DLG2: variants seen among roughly 807,000 people sequenced by gnomAD.
DLG2 encodes the protein disks large homolog 2.
Under a neutral mutation model 132.5 loss-of-function variants are expected in DLG2, and 45 were observed. The observed-to-expected ratio is 0.34, with a 90% CI of 0.27 to 0.44. The LOEUF (loss-of-function observed/expected upper bound fraction) is 0.44. Among genes scored for constraint, DLG2 ranks in the 20% least tolerant of loss-of-function variants. The pLI, the probability that DLG2 is intolerant of heterozygous loss-of-function variation, is 1.00. For missense variants in DLG2, 1,045 were observed against 1,196.9 expected (o/e 0.87, Z 1.87); for synonymous variants, 424 against 419.6 (o/e 1.01, Z -0.13).
intron 18 of DLG2, among the ~76,000 whole-genome samples, chr11:83,679,118 G>A (rs1005636043): frequency 2.0e-5 from 3 of 152,052 alleles, no homozygotes; most frequent in Non-Finnish European, 2.9e-5. Flanking sequence ...TCAGACAGGC[G>A]TGGGTTTAAA....
chr11:83,822,011 A>G (rs1271174186), intron 17 of DLG2, among the ~76,000 whole-genome samples: 2 of 152,196 alleles, frequency 1.3e-5, no homozygotes, highest in African/African-American at 2.4e-5. Flanking sequence ...TATTAAGTGG[A>G]GGAGTAACAT....
chr11:84,468,238 A>C (rs2099099672), intron 7 of DLG2, among the ~76,000 whole-genome samples: 1 of 151,514 alleles, frequency 6.6e-6, no homozygotes, highest in African/African-American at 2.4e-5. Flanking sequence ...TTGAGTGGAT[A>C]ACTTTGGGTT....
chr11:84,565,311 C>T (rs909006855), intron 6 of DLG2, among the ~76,000 whole-genome samples: 1 of 152,044 alleles, frequency 6.6e-6, no homozygotes, highest in African/African-American at 2.4e-5. Flanking sequence ...GGCATCATGA[C>T]TATAGGGATT....
At chr11:83,471,795 A>G in intron 23 of DLG2, 68 bp from the exon 24 acceptor site, 1 of 1,295,322 alleles carries the variant, frequency 7.7e-7, no homozygotes, top group South Asian at 1.2e-5. Context: ...ACTGTCCTGC[A>G]AGGGTGATTC....
chr11:84,232,770 A>G (rs761879433), intron 8 of DLG2, among the ~76,000 whole-genome samples: 18 of 152,206 alleles, frequency 1.2e-4, no homozygotes, highest in Non-Finnish European at 1.9e-4. Flanking sequence ...TATGTTATTT[A>G]AGCCACCCAG....
intron 6 of DLG2, among the ~76,000 whole-genome samples, chr11:84,669,555 T>A (rs2153690082): frequency 6.6e-6 from 1 of 152,296 alleles, no homozygotes; most frequent in Non-Finnish European, 1.5e-5. Flanking sequence ...AGTGTTAGCA[T>A]CTATGGTGTA....
At chr11:84,529,060 C>CT (rs534165726) in intron 7 of DLG2, among the ~76,000 whole-genome samples, 10 of 151,768 alleles carry the variant, frequency 6.6e-5, no homozygotes, top group African/African-American at 1.2e-4. Context: ...TTAAAACGGA[C>CT]TTTTTTTTTC....
intron 15 of DLG2, among the ~76,000 whole-genome samples, chr11:83,890,696 T>TA (rs1184800862): frequency 1.3e-5 from 2 of 152,128 alleles, no homozygotes; most frequent in South Asian, 4.1e-4. Context: ...GCAGTGTATG[T>TA]AAAAAAAGTT....
intron 19 of DLG2, among the ~76,000 whole-genome samples, chr11:83,597,201 A>G (rs1025049071): frequency 6.6e-6 from 1 of 152,236 alleles, no homozygotes; most frequent in Admixed American, 6.5e-5. Flanking sequence ...AGCATGATCA[A>G]CATGTCTCAT....
chr11:85,247,628 T>G (rs1252727570), intron 4 of DLG2, among the ~76,000 whole-genome samples: 1 of 151,968 alleles, frequency 6.6e-6, no homozygotes, highest in Non-Finnish European at 1.5e-5. Context: ...TTCCAAATTT[T>G]CCAGGGGAAT....
rs182079306 is a variant in DLG2, at chr11:85,020,055, A to C, written c.357+91606T>G. On this transcript the variant is annotated intron_variant, in intron 6 of 27. Coordinates refer to ENST00000376104, the MANE Select transcript of DLG2 (RefSeq NM_001142699.3). ...GGGGAATCGCCACGCTGTCTTCCAC[A>C]ATGTTTGAACTAGTTTACAGCCCCA... Among the ~76,000 whole-genome samples the C allele has an allele frequency of 9.5e-3, 1,448 of 152,290 alleles. 24 individuals carry two copies. Among genetic ancestry groups the C allele is most frequent in the African/African-American group, 0.03 (1,236 of 41,546 alleles).
intron 7 of DLG2, among the ~76,000 whole-genome samples, chr11:84,267,270 T>A (rs1327803957): frequency 6.6e-6 from 1 of 152,190 alleles, no homozygotes; most frequent in Non-Finnish European, 1.5e-5. Flanking sequence ...CCTACTCTTA[T>A]TTTTCCTCAG....
intron 4 of DLG2, among the ~76,000 whole-genome samples, chr11:85,270,856 A>C (rs970205901): frequency 5.3e-5 from 8 of 152,208 alleles, no homozygotes; most frequent in Admixed American, 6.5e-5. Context: ...AGCATTCAAG[A>C]GGTGACTTGG....
chr11:85,172,645 G>T (rs1322114516), intron 4 of DLG2, among the ~76,000 whole-genome samples: 1 of 152,228 alleles, frequency 6.6e-6, no homozygotes, highest in African/African-American at 2.4e-5. Context: ...GTAGGCTTCA[G>T]AGAGTGGTTA....
At chr11:84,505,231 A>G (rs1392469969) in intron 7 of DLG2, among the ~76,000 whole-genome samples, 1 of 152,194 alleles carries the variant, frequency 6.6e-6, no homozygotes, top group Non-Finnish European at 1.5e-5. Flanking sequence ...GGTATAAGGT[A>G]TCATAATATA....
rs189429281 is a variant in DLG2, at chr11:83,911,976, G to C, written c.1496+18352C>G. Among the ~76,000 whole-genome samples, 324 of 151,066 alleles carry C rather than the reference G, an allele frequency of 2.1e-3. 2 individuals are homozygous for C. The highest frequency in any genetic ancestry group is 3.9e-3 in the Non-Finnish European group (263 of 67,860). On this transcript the variant is annotated intron_variant, in intron 15 of 27. Transcript: ENST00000376104. ...CAAAGGTTATAATATAAGCAGTTTA[G>C]AGCAATGGAAAAAAAAGAATTATTG...
intron 7 of DLG2, among the ~76,000 whole-genome samples, chr11:84,530,197 A>C (rs2226846): frequency 0.032 from 4,928 of 152,318 alleles, 281 homozygotes; most frequent in African/African-American, 0.11. Flanking sequence ...ACACCCAGAA[A>C]GATAACTTAG....
intron 11 of DLG2, among the ~76,000 whole-genome samples, chr11:84,023,851 T>C (rs2095468334): frequency 6.6e-6 from 1 of 152,142 alleles, no homozygotes; most frequent in Non-Finnish European, 1.5e-5. Context: ...TGAAGATGAT[T>C]AGGATGAAGA....
At chr11:83,664,926 A>G (rs1476250751) in intron 18 of DLG2, among the ~76,000 whole-genome samples, 1 of 152,218 alleles carries the variant, frequency 6.6e-6, no homozygotes, top group Non-Finnish European at 1.5e-5. Flanking sequence ...TTAAACCTCA[A>G]CTAGAGTTTG....
Sources: allele counts gnomAD v4.1 joint callset (sites outside exome capture counted in the v4.1 genomes callset), GRCh38; gene constraint gnomAD v4.1.1; transcripts MANE v1.5; gene names NCBI Gene and HGNC (gene_info 2026-07-23, HGNC 2026-07-21).